SMAD6: variants seen among roughly 807,000 people sequenced by gnomAD.
The protein encoded by SMAD6 is SMAD family member 6.
A neutral mutation model predicts 39.4 loss-of-function variants in SMAD6; 103 were observed. That is an observed-to-expected ratio of 2.62 (90% CI 2.23 to 3.08). The LOEUF is 3.08. Ranked by LOEUF, SMAD6 falls within the 30% of genes most tolerant of loss-of-function variation. The pLI is 0.00. For missense variants in SMAD6, 1,104 were observed against 742.9 expected, an observed-to-expected ratio of 1.49 and a Z score of -5.65; for synonymous variants, 445 against 353.3, an observed-to-expected ratio of 1.26 and a Z score of -2.91.
intron 3 of SMAD6, among the ~76,000 whole-genome samples, chr15:66,743,844 CTTCAA>C (rs1893859047): frequency 6.6e-6 from 1 of 152,126 alleles, no homozygotes; most frequent in Non-Finnish European, 1.5e-5. Context: ...AAAACATTGT[CTTCAA>C]TTCAACACAT....
At chr15:66,718,148 G>GTGTGTGTGTGTGTGTC (rs57299602) in intron 3 of SMAD6, among the ~76,000 whole-genome samples, 1 of 147,444 alleles carries the variant, frequency 6.8e-6, no homozygotes, top group African/African-American at 2.5e-5. Context: ...GTGTGTGTGT[G>GTGTGTGTGTGTGTGTC]TGTCTGTGCA....
chr15:66,708,599 C>T (rs542599133), intron 1 of SMAD6: 20 of 400,716 alleles, frequency 5.0e-5, no homozygotes, highest in South Asian at 9.2e-5. Flanking sequence ...TGAAAAAGAA[C>T]GAAGTCCAGC....
chr15:66,724,849 G>T (rs1415785519), intron 3 of SMAD6, among the ~76,000 whole-genome samples: 1 of 151,776 alleles, frequency 6.6e-6, no homozygotes, highest in Non-Finnish European at 1.5e-5. Flanking sequence ...AGGGTGTCGG[G>T]TGCCTGTCCA....
chr15:66,756,778 C>T (rs760249276), intron 3 of SMAD6, among the ~76,000 whole-genome samples: 5 of 152,218 alleles, frequency 3.3e-5, no homozygotes, highest in Admixed American at 1.3e-4. Flanking sequence ...AAAGTGAATT[C>T]GGGCAGAGTG....
intron 3 of SMAD6, among the ~76,000 whole-genome samples, chr15:66,752,112 G>C (rs2140648860): frequency 6.6e-6 from 1 of 150,558 alleles, no homozygotes; most frequent in Non-Finnish European, 1.5e-5. Flanking sequence ...ACCATTGAGG[G>C]AGGTGGAATG....
At chr15:66,753,655 G>A (rs749872864) in intron 3 of SMAD6, among the ~76,000 whole-genome samples, 13 of 152,324 alleles carry the variant, frequency 8.5e-5, no homozygotes, top group Admixed American at 4.6e-4. Flanking sequence ...GAGGGCCAAC[G>A]GGATCTAATA....
At chr15:66,725,062 C>T (rs1348015790) in intron 3 of SMAD6, among the ~76,000 whole-genome samples, 2 of 152,232 alleles carry the variant, frequency 1.3e-5, no homozygotes, top group African/African-American at 4.8e-5. Flanking sequence ...GCGTCTGTAA[C>T]AATCGGGAAC....
chr15:66,723,382 C>T (rs923292165), intron 3 of SMAD6, among the ~76,000 whole-genome samples: 4 of 152,194 alleles, frequency 2.6e-5, no homozygotes, highest in African/African-American at 9.7e-5. Flanking sequence ...ATGTACTGAA[C>T]ATTTATTATT....
intron 3 of SMAD6, among the ~76,000 whole-genome samples, chr15:66,765,387 C>G (rs573693424): frequency 2.8e-4 from 42 of 152,278 alleles, no homozygotes; most frequent in African/African-American, 9.9e-4. Context: ...CCATGCCCGG[C>G]TACTTTTTTG....
chr15:66,703,942 C>A lies in SMAD6; in HGVS notation c.684C>A (p.Arg228=). The A allele has an allele frequency of 7.2e-7, 1 of 1,386,884 alleles. No individual in the cohort carries two copies. Among genetic ancestry groups the A allele is most frequent in the Middle Eastern group, 2.5e-4 (1 of 3,926 alleles). The allele number at this position is 1,386,884 out of a possible 1,614,324, so 85.9% of individuals were successfully genotyped here. Residue 228 remains arginine, a synonymous_variant, in exon 1 of 4, where the codon CGC becomes CGA. Coordinates refer to ENST00000288840, the MANE Select transcript of SMAD6 (RefSeq NM_005585.5). ...QPAPPQLLLG[R]LFRWPDLQHA... ...CGCCGCCGCAGCTGCTGCTCGGCCGCCTCTTTCGCTGGCCCGACCTGCAGC... is the reference window on the plus strand; with the variant it reads ...CGCCGCCGCAGCTGCTGCTCGGCCGACTCTTTCGCTGGCCCGACCTGCAGC...
At chr15:66,750,874 C>T (rs1203764377) in intron 3 of SMAD6, among the ~76,000 whole-genome samples, 1 of 152,166 alleles carries the variant, frequency 6.6e-6, no homozygotes, top group Admixed American at 6.5e-5. Context: ...GCAGAGCAAG[C>T]CCCTAGCAGG....
chr15:66,716,526 T>C (rs761732464), intron 3 of SMAD6, 28 bp downstream of exon 3: 27 of 1,544,296 alleles, frequency 1.7e-5, no homozygotes, highest in Non-Finnish European at 2.3e-5. Context: ...TGCATTGCTG[T>C]TGTGTTGAAA....
intron 3 of SMAD6, among the ~76,000 whole-genome samples, chr15:66,770,764 A>G (rs183935214): frequency 1.3e-3 from 198 of 152,248 alleles, no homozygotes; most frequent in African/African-American, 4.6e-3. Context: ...GGACACAGGG[A>G]ACCAGAGTTC....
rs752375452 is a variant in SMAD6 at position 66,716,448 on chromosome 15, C to G, written c.902C>G (p.Thr301Ser). The change falls in exon 3 of 4, where the codon ACT becomes AGT. Residue 301 changes from threonine (T) to serine (S), a missense_variant. Transcript: ENST00000288840. ...CTGTCCGATTCCACATTGTCTTACA[C>G]TGAAACGGAGGCTACCAACTCCCTC... ...LDLSDSTLSY[T>S]ETEATNSLIT... 1 of 1,613,884 alleles carries G rather than the reference C, an allele frequency of 6.2e-7. No individual in the cohort carries two copies. The highest frequency in any genetic ancestry group is 2.2e-5 in the East Asian group (1 of 44,892).
chr15:66,781,449 G>C lies in SMAD6; in HGVS notation c.1405G>C (p.Ala469Pro), dbSNP rs1416212959. Residue 469 changes from alanine (A) to proline (P), a missense_variant, in exon 4 of 4, where the codon GCC (alanine) becomes CCC (proline). Ala to Pro is a conservative substitution (Grantham distance 27). Coordinates refer to ENST00000288840, the MANE Select transcript of SMAD6 (RefSeq NM_005585.5). ...YDPNSVRISF[A>P]KGWGPCYSRQ... The stretch of plus-strand genomic sequence containing the variant: ...CCCCAACAGCGTCCGCATCAGCTTC[G>C]CCAAGGGCTGGGGGCCCTGCTACTC... 6.2e-7 allele frequency: 1 copy of C among 1,605,022 alleles called. No individual in the cohort carries two copies. The highest frequency in any genetic ancestry group is 8.5e-7 in the Non-Finnish European group (1 of 1,178,084).
chr15:66,703,181 C>G lies in SMAD6; in HGVS notation c.-78C>G. 8.9e-7 allele frequency: 1 copy of G among 1,126,358 alleles called. No individual in the cohort carries two copies. Among genetic ancestry groups the G allele is most frequent in the South Asian group, 2.4e-5 (1 of 41,816 alleles). 69.8% of individuals were successfully genotyped at this position (1,126,358 alleles called of 1,614,324 possible). A position where few individuals can be genotyped will look rare whatever the true frequency, so the allele number is the denominator to read the frequency against. On this transcript the variant is annotated 5_prime_UTR_variant, in exon 1 of 4. Coordinates refer to ENST00000288840, the MANE Select transcript of SMAD6 (RefSeq NM_005585.5). Reference sequence around the variant, plus strand: ...TCATGTGGGGCTGCGACCCGCGCAGCCGGCGCCTCGCTGAGGGAACGGACC... The same window carrying G: ...TCATGTGGGGCTGCGACCCGCGCAGGCGGCGCCTCGCTGAGGGAACGGACC...
chr15:66,702,879 G>C lies in SMAD6; in HGVS notation c.-380G>C, dbSNP rs1021129622. On this transcript the variant is annotated 5_prime_UTR_variant, in exon 1 of 4. Transcript: ENST00000288840. ...TTAGGGGTTCGCGCGAGCGCTTTGTGCTCATGGACCAGCCGCACAACTTTT... is the reference window on the plus strand; with the variant it reads ...TTAGGGGTTCGCGCGAGCGCTTTGTCCTCATGGACCAGCCGCACAACTTTT... 1.1e-4 allele frequency: 21 copies of C among 189,254 alleles called. No homozygotes were observed. The highest frequency in any genetic ancestry group is 4.2e-4 in the African/African-American group (18 of 43,044). The allele number at this position is 189,254 out of a possible 1,614,324, so 11.7% of individuals were successfully genotyped here.
chr15:66,751,577 C>T (rs1323719986), intron 3 of SMAD6, among the ~76,000 whole-genome samples: 1 of 152,240 alleles, frequency 6.6e-6, no homozygotes, highest in Non-Finnish European at 1.5e-5. Flanking sequence ...AGCCCCTAGT[C>T]TACACTGCTT....
chr15:66,717,975 G>A (rs926199326), intron 3 of SMAD6, among the ~76,000 whole-genome samples: 7 of 152,104 alleles, frequency 4.6e-5, no homozygotes, highest in African/African-American at 1.7e-4. Context: ...TTGAAGCAAG[G>A]GGCTTAAAAG....
Sources: allele counts gnomAD v4.1 joint callset (sites outside exome capture counted in the v4.1 genomes callset), GRCh38; gene constraint gnomAD v4.1.1; transcripts MANE v1.5; gene names NCBI Gene and HGNC (gene_info 2026-07-23, HGNC 2026-07-21).